The following STARD13 variants were observed in gnomAD, a reference collection of about 807,000 sequenced individuals.
STARD13 encodes StAR related lipid transfer domain containing 13.
A neutral mutation model predicts 106.4 loss-of-function variants in STARD13; 62 were observed. The ratio of observed to expected loss-of-function variants is 0.58; its 90% CI spans 0.48 to 0.72. The LOEUF (loss-of-function observed/expected upper bound fraction) is 0.72, where lower values mean the gene tolerates loss of function less well. Among genes scored for constraint, STARD13 ranks in the 30% least tolerant of loss-of-function variants. The pLI, the probability that STARD13 is intolerant of heterozygous loss-of-function variation, is 0.00. For missense variants in STARD13, 1,387 were observed against 1,424.0 expected (o/e 0.97, Z 0.42); for synonymous variants, 565 against 553.0 (o/e 1.02, Z -0.31).
the STARD13 span, among the ~76,000 whole-genome samples, chr13:33,385,872 A>AGC: frequency 6.6e-6 from 1 of 151,296 alleles, no homozygotes; most frequent in African/African-American, 2.4e-5. Context: ...AACAAAAAAA[A>AGC]AAAAATTAAA....
intron 1 of STARD13, chr13:33,188,109 AG>A (rs1885939676): frequency 6.6e-6 from 1 of 152,230 alleles, no homozygotes; most frequent in Non-Finnish European, 1.5e-5. Flanking sequence ...GGCCAAAGGC[AG>A]GTGGGTGAAT....
chr13:33,212,435 C>G (rs78002856), intron 1 of STARD13, among the ~76,000 whole-genome samples: 3,581 of 152,242 alleles, frequency 0.024, 68 homozygotes, highest in Non-Finnish European at 0.037. Flanking sequence ...TTATTTACAG[C>G]AATAGAAATG....
intron 1 of STARD13, among the ~76,000 whole-genome samples, chr13:33,190,179 A>T (rs1235161884): frequency 6.6e-6 from 1 of 152,204 alleles, no homozygotes; most frequent in African/African-American, 2.4e-5. Context: ...GTGATGGCTC[A>T]TGCCTGTAAT....
At chr13:33,359,295 CA>C in the STARD13 span, among the ~76,000 whole-genome samples, 2 of 152,096 alleles carry the variant, frequency 1.3e-5, no homozygotes, top group African/African-American at 4.8e-5. Context: ...GAGAAACGAA[CA>C]ACTCCAGACG....
the STARD13 span, among the ~76,000 whole-genome samples, chr13:33,507,144 T>C: frequency 6.6e-6 from 1 of 152,132 alleles, no homozygotes; most frequent in African/African-American, 2.4e-5. Flanking sequence ...TACATAACTA[T>C]AATGCCAGAT....
chr13:33,349,508 G>A (rs879190418), intron 1 of STARD13, among the ~76,000 whole-genome samples: 2 of 152,222 alleles, frequency 1.3e-5, no homozygotes, highest in Admixed American at 1.3e-4. Context: ...GGGCTCCATG[G>A]AGCATGCACA....
chr13:33,143,831 G>A (rs1409738887), intron 3 of STARD13, among the ~76,000 whole-genome samples: 2 of 152,104 alleles, frequency 1.3e-5, no homozygotes, highest in Non-Finnish European at 2.9e-5. Flanking sequence ...GATTACAGGC[G>A]TGAGCCACCG....
chr13:33,313,925 C>T (rs1893234231), intron 1 of STARD13, among the ~76,000 whole-genome samples: 1 of 152,140 alleles, frequency 6.6e-6, no homozygotes, highest in African/African-American at 2.4e-5. Context: ...TACTCTCTGA[C>T]CTTCTTTGGG....
At chr13:33,398,944 G>A in the STARD13 span, among the ~76,000 whole-genome samples, 1 of 152,146 alleles carries the variant, frequency 6.6e-6, no homozygotes, top group Non-Finnish European at 1.5e-5. Context: ...AGGCCTTCAT[G>A]TGAACGTTCA....
chr13:33,537,310 A>G, the STARD13 span, among the ~76,000 whole-genome samples: 1 of 152,268 alleles, frequency 6.6e-6, no homozygotes, highest in Non-Finnish European at 1.5e-5. Context: ...TGGTTTCCGA[A>G]ATACTGCTGC....
the STARD13 span, among the ~76,000 whole-genome samples, chr13:33,395,994 A>G: frequency 3.0e-4 from 45 of 152,154 alleles, no homozygotes; most frequent in African/African-American, 1.1e-3. Flanking sequence ...GGTGCTCACC[A>G]CCATGCCTGG....
At chr13:33,369,102 G>T in the STARD13 span, among the ~76,000 whole-genome samples, 1 of 152,028 alleles carries the variant, frequency 6.6e-6, no homozygotes, top group Non-Finnish European at 1.5e-5. Context: ...CCCATAAAAT[G>T]CATTGGTGTC....
At chr13:33,174,104 AGAG>A (rs1884269696) in intron 1 of STARD13, among the ~76,000 whole-genome samples, 1 of 152,202 alleles carries the variant, frequency 6.6e-6, no homozygotes, top group Admixed American at 6.5e-5. Flanking sequence ...CCAGCTAAGT[AGAG>A]AATAAACCTA....
the STARD13 span, among the ~76,000 whole-genome samples, chr13:33,446,594 C>T: frequency 6.6e-6 from 1 of 151,934 alleles, no homozygotes; most frequent in Non-Finnish European, 1.5e-5. Flanking sequence ...AAATGAAAAT[C>T]CACTTTTGTG....
chr13:33,577,692 G>A, the STARD13 span, among the ~76,000 whole-genome samples: 1 of 152,028 alleles, frequency 6.6e-6, no homozygotes, highest in African/African-American at 2.4e-5. Context: ...CACGGAGCTT[G>A]CATCTTTCAC....
chr13:33,450,002 T>C, the STARD13 span, among the ~76,000 whole-genome samples: 1 of 152,178 alleles, frequency 6.6e-6, no homozygotes, highest in Admixed American at 6.6e-5. Context: ...CGGGGTTTTC[T>C]ATATGTAAAG....
intron 3 of STARD13, among the ~76,000 whole-genome samples, chr13:33,144,130 T>C (rs1307664075): frequency 6.6e-6 from 1 of 152,210 alleles, no homozygotes; most frequent in African/African-American, 2.4e-5. Flanking sequence ...AATCTTAACA[T>C]AAATTAGACT....
the STARD13 span, chr13:33,659,838 A>G: frequency 1.3e-5 from 2 of 152,126 alleles, no homozygotes; most frequent in Non-Finnish European, 2.9e-5. Context: ...TTACCCCTCA[A>G]CTGTGCCATT....
At chr13:33,340,212 C>T (rs1038871586) in intron 1 of STARD13, among the ~76,000 whole-genome samples, 1 of 152,118 alleles carries the variant, frequency 6.6e-6, no homozygotes, top group Non-Finnish European at 1.5e-5. Context: ...TGGAAAAACA[C>T]TTCTTTTTTG....
Sources: gnomAD v4.1 joint callset for allele counts (sites outside exome capture counted in the v4.1 genomes callset) on GRCh38, gnomAD v4.1.1 for gene constraint, MANE v1.5 for transcripts, NCBI Gene and HGNC (gene_info 2026-07-23, HGNC 2026-07-21) for gene names.